WDR64: variants seen among roughly 807,000 people sequenced by gnomAD.
WDR64 encodes WD repeat domain 64, also known as WD repeat-containing protein 64.
Under a neutral mutation model 139.3 loss-of-function variants are expected in WDR64, and 112 were observed. The observed-to-expected ratio is 0.80, with a 90% CI of 0.69 to 0.94. The LOEUF (loss-of-function observed/expected upper bound fraction) is 0.94. Among genes scored for constraint, WDR64 ranks in the 40% least tolerant of loss-of-function variants. The pLI is 0.00. For missense variants in WDR64, 1,206 were observed against 1,293.1 expected (o/e 0.93, Z 1.03); for synonymous variants, 444 against 437.7 (o/e 1.01, Z -0.18).
At chr1:241,675,043 T>C (rs1370099294) in intron 4 of WDR64, among the ~76,000 whole-genome samples, 5 of 26,626 alleles carry the variant, frequency 1.9e-4, no homozygotes, top group Non-Finnish European at 3.3e-4. Context: ...CTCCTTCTTC[T>C]TTCCTTCCTT....
At chr1:241,721,455 G>A (rs1013151956) in intron 9 of WDR64, among the ~76,000 whole-genome samples, 3 of 152,002 alleles carry the variant, frequency 2.0e-5, no homozygotes, top group Non-Finnish European at 4.4e-5. Flanking sequence ...TTGTCTAGTA[G>A]CCTAAAGGTC....
intron 14 of WDR64, among the ~76,000 whole-genome samples, chr1:241,754,518 C>T (rs547695907): frequency 6.6e-6 from 1 of 151,992 alleles, no homozygotes; most frequent in Non-Finnish European, 1.5e-5. Context: ...CAGGGTTTCA[C>T]CATGTTGGCC....
chr1:241,759,605 A>G (rs560362775), intron 15 of WDR64, among the ~76,000 whole-genome samples: 1 of 152,286 alleles, frequency 6.6e-6, no homozygotes, highest in African/African-American at 2.4e-5. Context: ...TAAGCAAATG[A>G]TAGAATATTA....
At chr1:241,774,671 C>T (rs1292036827) in intron 20 of WDR64, among the ~76,000 whole-genome samples, 1 of 152,008 alleles carries the variant, frequency 6.6e-6, no homozygotes, top group Non-Finnish European at 1.5e-5. Flanking sequence ...AAACAACTGA[C>T]ATACACTTAA....
chr1:241,738,639 T>C, intron 11 of WDR64, 150 bp downstream of exon 11: 1 of 809,000 alleles, frequency 1.2e-6, no homozygotes, highest in South Asian at 2.2e-5. Flanking sequence ...TTTAATTCAA[T>C]TCTGCTCTTT....
chr1:241,705,411 G>C (rs892822531), intron 8 of WDR64, among the ~76,000 whole-genome samples: 2 of 151,572 alleles, frequency 1.3e-5, no homozygotes, highest in African/African-American at 2.4e-5. Context: ...GCATGGTGGC[G>C]GGCGCCTGTA....
At chr1:241,759,988 GGTTT>G (rs552379526) in intron 15 of WDR64, among the ~76,000 whole-genome samples, 2 of 152,116 alleles carry the variant, frequency 1.3e-5, no homozygotes, top group Non-Finnish European at 2.9e-5. Context: ...TTTTGTGACT[GGTTT>G]GTTTCACTTA....
intron 15 of WDR64, among the ~76,000 whole-genome samples, chr1:241,760,048 G>A (rs988540295): frequency 9.9e-5 from 15 of 152,080 alleles, no homozygotes; most frequent in African/African-American, 3.4e-4. Flanking sequence ...ATGTCACAGC[G>A]TCCTTCCTTT....
chr1:241,718,036 C>G (rs1218280002), intron 9 of WDR64, among the ~76,000 whole-genome samples: 1 of 152,180 alleles, frequency 6.6e-6, no homozygotes, highest in Non-Finnish European at 1.5e-5. Context: ...GCAACTTACT[C>G]AAAGTCATAA....
chr1:241,712,457 A>G (rs1668212093), intron 9 of WDR64, among the ~76,000 whole-genome samples: 1 of 152,204 alleles, frequency 6.6e-6, no homozygotes, highest in African/African-American at 2.4e-5. Flanking sequence ...TGTCGGGGGA[A>G]GGTAGGGGAC....
rs561057190 is a variant in WDR64 at position 241,657,547 on chromosome 1, G to A, written c.146-2983G>A. ...CAAGCCTGTGCAGCCACAGGCCTTCGTGTTGATCAGCCTCTGCCTAAAAGG... is the reference window on the plus strand; with the variant it reads ...CAAGCCTGTGCAGCCACAGGCCTTCATGTTGATCAGCCTCTGCCTAAAAGG... On this transcript the variant is annotated intron_variant, in intron 1 of 27. Transcript: ENST00000437684. Among the ~76,000 whole-genome samples the A allele has an allele frequency of 4.6e-5, 7 of 152,180 alleles. No homozygotes were observed. The East Asian group carries it at 1.4e-3, about 29-fold the overall frequency.
Position 241,656,900 on chromosome 1 carries a change from G to GTGTT in WDR64, c.146-3627_146-3626insTTGT, listed in dbSNP as rs1665622582. On this transcript the variant is annotated intron_variant, in intron 1 of 27. Transcript: ENST00000437684. This position sits in a 1 kb window ranked among gnomAD's most constrained non-coding sequence, Gnocchi z 4.3. ...TGTGTGTGTGTGTGTGTGTGTGTGT[G>GTGTT]TGTGTGTGTGTCTGTCTGGGGATGG... is the stretch of plus-strand genomic sequence containing the variant. Among the ~76,000 whole-genome samples, 1 of 151,350 alleles carries GTGTT rather than the reference G, an allele frequency of 6.6e-6. No individual in the cohort carries two copies. Among genetic ancestry groups the GTGTT allele is most frequent in the Non-Finnish European group, 1.5e-5 (1 of 67,890 alleles).
At chr1:241,674,591 A>G (rs1405165254) in intron 3 of WDR64, 53 bp from the exon 4 acceptor site, 5 of 1,185,076 alleles carry the variant, frequency 4.2e-6, no homozygotes, top group Non-Finnish European at 4.8e-6. Context: ...CTAACAAATG[A>G]GTTTCAGCAC....
intron 1 of WDR64, among the ~76,000 whole-genome samples, chr1:241,653,499 A>G (rs1435094713): frequency 6.6e-6 from 1 of 151,700 alleles, no homozygotes; most frequent in Non-Finnish European, 1.5e-5. Context: ...GGAGCTGAAG[A>G]TAAATCATTT....
At chr1:241,767,441 C>T (rs937084615) in intron 16 of WDR64, among the ~76,000 whole-genome samples, 20 of 151,640 alleles carry the variant, frequency 1.3e-4, no homozygotes, top group African/African-American at 3.9e-4. Flanking sequence ...GTAATTGGAA[C>T]GTGTGCAAGG....
chr1:241,785,306 G>A (rs1658997647), intron 23 of WDR64, among the ~76,000 whole-genome samples: 1 of 152,150 alleles, frequency 6.6e-6, no homozygotes, highest in Non-Finnish European at 1.5e-5. Flanking sequence ...CAAGATCAAG[G>A]CGCTGGCAGA....
intron 15 of WDR64, among the ~76,000 whole-genome samples, chr1:241,760,071 A>G (rs533733055): frequency 3.9e-5 from 6 of 152,308 alleles, no homozygotes; most frequent in Non-Finnish European, 8.8e-5. Flanking sequence ...AAGGCTGAAC[A>G]TTATTCCATT....
At chr1:241,745,220 A>C (rs536986239) in intron 13 of WDR64, among the ~76,000 whole-genome samples, 6 of 152,158 alleles carry the variant, frequency 3.9e-5, no homozygotes, top group Non-Finnish European at 8.8e-5. Flanking sequence ...GCCTATACGC[A>C]TAAGCCAGTT....
Position 241,723,169 on chromosome 1 carries a change from T to C in WDR64, c.1055-128T>C. ...CCTTAGCACATCAATCACAGAATAATGCATCCTGCCAGAAACGGACTGTGA... is the reference window on the plus strand; with the variant it reads ...CCTTAGCACATCAATCACAGAATAACGCATCCTGCCAGAAACGGACTGTGA... On this transcript the variant is annotated intron_variant, in intron 9 of 27. Transcript: ENST00000437684. 1.6e-6 allele frequency: 2 copies of C among 1,229,020 alleles called. 1 individual carries two copies. Among genetic ancestry groups the C allele is most frequent in the South Asian group, 3.2e-5 (2 of 63,212 alleles). 76.1% of individuals were successfully genotyped at this position (1,229,020 alleles called of 1,614,324 possible). A position where few individuals can be genotyped will look rare whatever the true frequency, so the allele number is the denominator to read the frequency against.
Sources: gnomAD v4.1 joint callset for allele counts (sites outside exome capture counted in the v4.1 genomes callset) on GRCh38, gnomAD v4.1.1 for gene constraint, Gnocchi (gnomAD v3.1) non-coding constraint, MANE v1.5 for transcripts, NCBI Gene and HGNC (gene_info 2026-07-23, HGNC 2026-07-21) for gene names.